The following CCNK variants were observed in gnomAD, a reference collection of about 807,000 sequenced individuals.
The protein encoded by CCNK is cyclin K, also known as cyclin-K.
In CCNK, 9 loss-of-function variants were observed where a neutral mutation model predicts 65.0. The observed-to-expected ratio is 0.14, with a 90% CI of 0.08 to 0.24. CCNK has a LOEUF of 0.24. CCNK is among the 10% of genes least tolerant of loss of function. The probability of loss-of-function intolerance (pLI) is 1.00; values close to 1 mark genes in which losing one functional copy is unlikely to be tolerated. For missense variants in CCNK, 474 were observed against 720.0 expected, an observed-to-expected ratio of 0.66 and a Z score of 3.91; for synonymous variants, 279 against 270.8, an observed-to-expected ratio of 1.03 and a Z score of -0.30.
At chr14:99,495,199 G>A (rs1172764072) in intron 3 of CCNK, 1 of 202,674 alleles carries the variant, frequency 4.9e-6, no homozygotes, top group African/African-American at 2.4e-5. Flanking sequence ...GTTAATTTCA[G>A]ATTGGAATAT....
chr14:99,500,507 A>G, intron 4 of CCNK: 1 of 388,250 alleles, frequency 2.6e-6, no homozygotes, highest in African/African-American at 2.1e-5. Flanking sequence ...ATTGAAAATA[A>G]TAATATTTTT....
At position 99,486,859 on chromosome 14, in the gene CCNK, C is replaced by T. The variant is rs547713381; in HGVS notation, c.-53+5380C>T. Among the ~76,000 whole-genome samples the T allele has an allele frequency of 5.2e-4, 77 of 148,426 alleles. No individual in the cohort carries two copies. The South Asian group carries it at 6.2e-3, about 12-fold the overall frequency. ...TAAACAGCCCTTACCTCATTATGTT[C>T]TCTCCCCTTACATGCGTTATTATTT... is the stretch of plus-strand genomic sequence containing the variant. On this transcript the variant is annotated intron_variant, in intron 1 of 10. Transcript: ENST00000389879.
intron 9 of CCNK, chr14:99,504,175 C>T (rs1439432907): frequency 1.2e-5 from 3 of 244,158 alleles, no homozygotes; most frequent in South Asian, 3.4e-5. Context: ...AAGGAGTGAG[C>T]AAAATTGGAA....
chr14:99,503,312 C>CTG (rs1896887984), intron 8 of CCNK: 1 of 606,166 alleles, frequency 1.6e-6, no homozygotes, highest in Non-Finnish European at 2.9e-6. Context: ...CTGCCTGACC[C>CTG]CAAACAGTGG....
At chr14:99,489,185 C>T (rs1232178162) in intron 1 of CCNK, among the ~76,000 whole-genome samples, 1 of 151,954 alleles carries the variant, frequency 6.6e-6, no homozygotes, top group Non-Finnish European at 1.5e-5. Context: ...TAAAGTTTAA[C>T]ATTACAGATT....
In CCNK at chr14:99,492,827, C is replaced by T. The variant is rs770596227; in HGVS notation, c.150C>T (p.Arg50=). The change falls in exon 2 of 11, where the codon CGC becomes CGT. Residue 50 remains arginine, a synonymous_variant. Coordinates refer to ENST00000389879, the MANE Select transcript of CCNK (RefSeq NM_001099402.2). Reference sequence around the variant, plus strand: ...ATCCAGCCACCGAGGCCCGGTACCGCCGAGAGGGCGCTCGGTTCATCTTTG... The same window carrying T: ...ATCCAGCCACCGAGGCCCGGTACCGTCGAGAGGGCGCTCGGTTCATCTTTG... ...GLDPATEARY[R]REGARFIFDV... is the part of the protein sequence containing the mutation. 6.2e-7 allele frequency: 1 copy of T among 1,609,916 alleles called. No homozygotes were observed. Among genetic ancestry groups the T allele is most frequent in the Non-Finnish European group, 8.5e-7 (1 of 1,178,858 alleles).
chr14:99,500,678 A>G, intron 4 of CCNK, 88 bp from the exon 5 acceptor site: 1 of 860,674 alleles, frequency 1.2e-6, no homozygotes, highest in East Asian at 2.7e-5. Context: ...TTGAAGAGAG[A>G]ATAAATAGAC....
At chr14:99,492,959 T>TC (rs1896626404) in intron 2 of CCNK, 85 bp downstream of exon 2, 7 of 1,116,552 alleles carry the variant, frequency 6.3e-6, no homozygotes, top group Non-Finnish European at 8.7e-6. Flanking sequence ...ACAAAATATA[T>TC]AGTAATTTCT....
chr14:99,482,319 A>C (rs1488021003), intron 1 of CCNK, among the ~76,000 whole-genome samples: 2 of 152,248 alleles, frequency 1.3e-5, no homozygotes, highest in Non-Finnish European at 2.9e-5. Flanking sequence ...AATGCCTTGC[A>C]GTTGTAGGTG....
chr14:99,500,366 G>A, intron 4 of CCNK: 1 of 202,506 alleles, frequency 4.9e-6, no homozygotes, highest in South Asian at 7.9e-5. Context: ...ACTCTTTCTT[G>A]CTTAAAATGT....
chr14:99,483,763 A>G (rs1566745028), intron 1 of CCNK, among the ~76,000 whole-genome samples: 1 of 152,244 alleles, frequency 6.6e-6, no homozygotes, highest in African/African-American at 2.4e-5. Context: ...ACCAAACCCG[A>G]AATGTTGATT....
intron 4 of CCNK, 59 bp downstream of exon 4, chr14:99,495,688 A>G (rs1896686624): frequency 1.2e-5 from 17 of 1,471,846 alleles, no homozygotes; most frequent in African/African-American, 1.4e-5. Context: ...AGTATTGTAC[A>G]GTTCCACATG....
At position 99,510,261 on chromosome 14, in the gene CCNK, GC is replaced by G; in HGVS notation, c.1226del (p.Pro409LeufsTer21). ...CCAGATTCCCCCTCCGGCCCACCCG[GC>G]CCCTGTGCACCAGCCACCGCCGCTG... The part of the protein sequence containing the change: ...KVQIPPPAHP[A>X]PVHQPPPLPH... On this transcript the variant is annotated frameshift_variant, in exon 11 of 11. Coordinates refer to ENST00000389879, the MANE Select transcript of CCNK (RefSeq NM_001099402.2). LOFTEE classifies it high-confidence loss of function. 2 of 1,354,256 alleles carry G rather than the reference GC, an allele frequency of 1.5e-6. No homozygotes were observed. Among genetic ancestry groups the G allele is most frequent in the Non-Finnish European group, 2.0e-6 (2 of 1,007,128 alleles). The allele number at this position is 1,354,256 out of a possible 1,614,324, so 83.9% of individuals were successfully genotyped here. A position where few individuals can be genotyped will look rare whatever the true frequency, so the allele number is the denominator to read the frequency against.
intron 10 of CCNK, chr14:99,509,344 T>C (rs1897056047): frequency 6.6e-6 from 1 of 152,240 alleles, no homozygotes; most frequent in Non-Finnish European, 1.5e-5. Flanking sequence ...TGACCCGGGA[T>C]CACAGGCCAA....
intron 9 of CCNK, chr14:99,505,315 G>T (rs1340865701): frequency 6.6e-6 from 1 of 152,240 alleles, no homozygotes; most frequent in Non-Finnish European, 1.5e-5. Flanking sequence ...GAACTCAGCT[G>T]CACTGTGCCA....
intron 4 of CCNK, among the ~76,000 whole-genome samples, chr14:99,498,247 C>G (rs916872124): frequency 2.6e-5 from 4 of 152,172 alleles, no homozygotes; most frequent in Non-Finnish European, 4.4e-5. Context: ...AGTCCAGGAA[C>G]AGTGAAAGTA....
At chr14:99,485,028 G>A (rs1279576818) in intron 1 of CCNK, among the ~76,000 whole-genome samples, 3 of 152,178 alleles carry the variant, frequency 2.0e-5, no homozygotes, top group Admixed American at 1.3e-4. Flanking sequence ...CAACTTTAGG[G>A]TCTTGTGAAA....
At position 99,492,751 on chromosome 14, in the gene CCNK, A is replaced by G. The variant is rs1245373903; in HGVS notation, c.74A>G (p.Tyr25Cys). The G allele has an allele frequency of 6.2e-7, 1 of 1,613,222 alleles. No individual in the cohort carries two copies. Among genetic ancestry groups the G allele is most frequent in the Admixed American group, 1.7e-5 (1 of 59,764 alleles). Residue 25 changes from tyrosine (Y) to cysteine (C), a missense_variant, in exon 2 of 11, where the codon TAC (tyrosine) becomes TGC (cysteine). This residue lies in a region of CCNK where 87 missense variants were observed against 166.2 expected (regional missense o/e 0.52). Transcript: ENST00000389879. Reference sequence around the variant, plus strand: ...CTGGACCACACAAAGCCATGTTGGTACTGGGATAAGAAAGACTTGGCTCAT... The same window carrying G: ...CTGGACCACACAAAGCCATGTTGGTGCTGGGATAAGAAAGACTTGGCTCAT... ...ANLDHTKPCW[Y>C]WDKKDLAHTP...
At chr14:99,503,562 A>G (rs774355151) in intron 8 of CCNK, 49 bp from the exon 9 acceptor site, 2 of 1,503,440 alleles carry the variant, frequency 1.3e-6, no homozygotes, top group African/African-American at 1.4e-5. Flanking sequence ...TTTTTTTCTC[A>G]TCATACTCAG....
Sources: gnomAD v4.1 joint callset for allele counts (sites outside exome capture counted in the v4.1 genomes callset) on GRCh38, gnomAD v4.1.1 for gene constraint, gnomAD v4.1.1 regional missense constraint, MANE v1.5 for transcripts, NCBI Gene and HGNC (gene_info 2026-07-23, HGNC 2026-07-21) for gene names.